Variants in NAV3 observed in about 807,000 individuals in gnomAD.
The protein encoded by NAV3 is pore membrane and/or filament interacting like protein 1.
A neutral mutation model predicts 244.7 loss-of-function variants in NAV3; 87 were observed. The ratio of observed to expected loss-of-function variants is 0.36; its 90% CI spans 0.30 to 0.42. NAV3 has a LOEUF of 0.42. Among genes scored for constraint, NAV3 ranks in the 20% least tolerant of loss-of-function variants. NAV3 has a pLI of 1.00. For missense variants in NAV3, 2,663 were observed against 2,893.3 expected, an observed-to-expected ratio of 0.92 and a Z score of 1.83; for synonymous variants, 1,126 against 1,042.2, an observed-to-expected ratio of 1.08 and a Z score of -1.55.
intron 2 of NAV3, among the ~76,000 whole-genome samples, chr12:77,750,867 C>T (rs1868816708): frequency 6.6e-6 from 1 of 152,138 alleles, no homozygotes; most frequent in Admixed American, 6.6e-5. Flanking sequence ...AATCAATTTT[C>T]AAAGTTTTTA....
chr12:78,191,223 C>T (rs1210395880), intron 34 of NAV3, among the ~76,000 whole-genome samples: 1 of 152,052 alleles, frequency 6.6e-6, no homozygotes, highest in African/African-American at 2.4e-5. Flanking sequence ...TTAATTTTCT[C>T]ACCTGTAAAA....
At chr12:77,636,987 T>C (rs1175421630) in intron 2 of NAV3, among the ~76,000 whole-genome samples, 1 of 151,716 alleles carries the variant, frequency 6.6e-6, no homozygotes, top group Non-Finnish European at 1.5e-5. Context: ...CTGGGGCCTG[T>C]TGGGGGGTGG....
chr12:77,834,429 A>G (rs1446613984), intron 1 of NAV3, among the ~76,000 whole-genome samples: 1 of 152,254 alleles, frequency 6.6e-6, no homozygotes, highest in Admixed American at 6.5e-5. Flanking sequence ...AACATAAATT[A>G]TCAACAAAAT....
chr12:77,957,251 T>G (rs1202823516), intron 3 of NAV3, among the ~76,000 whole-genome samples: 1 of 152,238 alleles, frequency 6.6e-6, no homozygotes, highest in Non-Finnish European at 1.5e-5. Context: ...AAAGATCTTA[T>G]CATTCATTTT....
Position 78,007,449 on chromosome 12 carries a change from A to C in NAV3, c.1907+4A>C, listed in dbSNP as rs1218399718. The C allele has an allele frequency of 3.1e-6, 5 of 1,611,008 alleles. No homozygotes were observed. Among genetic ancestry groups the C allele is most frequent in the Non-Finnish European group, 4.2e-6 (5 of 1,178,368 alleles). ...CAGTGGCACCATTCATTTACAGGTA[A>C]GGTGGCCTCTGTTTATCCACAGTTG... is the stretch of plus-strand genomic sequence containing the variant. On this transcript the variant is annotated splice_donor_region_variant and intron_variant, in intron 8 of 39. Transcript: ENST00000397909.
At chr12:78,098,717 TG>T (rs71441910) in intron 12 of NAV3, among the ~76,000 whole-genome samples, 9 of 148,578 alleles carry the variant, frequency 6.1e-5, no homozygotes, top group African/African-American at 9.8e-5. Context: ...TATTTGAAAC[TG>T]GTTTTTTTTT....
chr12:77,897,582 C>G (rs1884770178), intron 1 of NAV3, among the ~76,000 whole-genome samples: 1 of 152,120 alleles, frequency 6.6e-6, no homozygotes, highest in African/African-American at 2.4e-5. Flanking sequence ...AGCTGGTAAG[C>G]TGTCCTAGGC....
chr12:77,613,623 C>G (rs1044969280), intron 2 of NAV3, among the ~76,000 whole-genome samples: 4 of 152,136 alleles, frequency 2.6e-5, no homozygotes, highest in Non-Finnish European at 4.4e-5. Flanking sequence ...TCTTCTAGCA[C>G]TCCTGCCCGT....
intron 2 of NAV3, among the ~76,000 whole-genome samples, chr12:77,772,433 T>G (rs1448917546): frequency 6.6e-6 from 1 of 152,232 alleles, no homozygotes; most frequent in African/African-American, 2.4e-5. Context: ...GGTCACTTTT[T>G]TATGAATATA....
chr12:77,588,911 G>A (rs1168004783), intron 2 of NAV3, among the ~76,000 whole-genome samples: 1 of 152,144 alleles, frequency 6.6e-6, no homozygotes, highest in Non-Finnish European at 1.5e-5. Flanking sequence ...TCTGCATACT[G>A]AGCACTAGGG....
chr12:78,042,818 G>T (rs1010785364), intron 9 of NAV3, among the ~76,000 whole-genome samples: 1 of 151,938 alleles, frequency 6.6e-6, no homozygotes, highest in Non-Finnish European at 1.5e-5. Flanking sequence ...AAAATAAAAG[G>T]CCTCTAGTTT....
At chr12:77,642,330 A>G (rs917016879) in intron 2 of NAV3, among the ~76,000 whole-genome samples, 5 of 152,098 alleles carry the variant, frequency 3.3e-5, no homozygotes, top group African/African-American at 4.8e-5. Context: ...GCAATAATGA[A>G]GAATATTGCC....
At position 78,021,773 on chromosome 12, in the gene NAV3, C is replaced by T. The variant is rs375015388; in HGVS notation, c.1934C>T (p.Ala645Val). ...GCACATTCAGAAAATGAAGGTACCG[C>T]TTTACCATCGGCTGACTCCTGTACC... ...YRAHSENEGT[A>V]LPSADSCTSP... Residue 645 changes from alanine (A) to valine (V), a missense_variant, in exon 9 of 40, where the codon GCT (alanine) becomes GTT (valine). Ala to Val is a moderately conservative substitution (Grantham distance 64, BLOSUM62 0). Transcript: ENST00000397909. 6.2e-7 allele frequency: 1 copy of T among 1,609,340 alleles called. No homozygotes were observed. The highest frequency in any genetic ancestry group is 1.3e-5 in the African/African-American group (1 of 74,590).
At chr12:77,940,972 GC>G in intron 2 of NAV3, 108 bp from the exon 3 acceptor site, 1 of 711,356 alleles carries the variant, frequency 1.4e-6, no homozygotes, top group African/African-American at 1.8e-5. Context: ...TGTAGCAGGA[GC>G]ATTTTTGCTT....
At chr12:77,923,383 G>A (rs1887896270) in intron 1 of NAV3, among the ~76,000 whole-genome samples, 1 of 151,878 alleles carries the variant, frequency 6.6e-6, no homozygotes, top group Non-Finnish European at 1.5e-5. Flanking sequence ...GCTAAAATAG[G>A]AGAGAGAGAG....
At chr12:77,632,821 G>T (rs1328601631) in intron 2 of NAV3, among the ~76,000 whole-genome samples, 3 of 152,026 alleles carry the variant, frequency 2.0e-5, no homozygotes, top group African/African-American at 2.4e-5. Flanking sequence ...AATAAGGCAG[G>T]TATAAGCGTT....
chr12:77,704,259 G>C (rs1457221326), intron 2 of NAV3, among the ~76,000 whole-genome samples: 1 of 152,100 alleles, frequency 6.6e-6, no homozygotes, highest in Non-Finnish European at 1.5e-5. Flanking sequence ...GCTTTTGTCT[G>C]TGTATGGGTG....
chr12:77,851,393 T>C (rs1877500326), intron 1 of NAV3, among the ~76,000 whole-genome samples: 1 of 152,220 alleles, frequency 6.6e-6, no homozygotes. Context: ...CTATGCATTG[T>C]GGTTAATAGT....
chr12:77,768,786 C>T (rs1869923231), intron 2 of NAV3, among the ~76,000 whole-genome samples: 1 of 152,238 alleles, frequency 6.6e-6, no homozygotes, highest in Non-Finnish European at 1.5e-5. Context: ...GGCAGGGCTC[C>T]TGCCTGTTCC....
Sources: gnomAD v4.1 joint callset for allele counts (sites outside exome capture counted in the v4.1 genomes callset) on GRCh38, gnomAD v4.1.1 for gene constraint, MANE v1.5 for transcripts, NCBI Gene and HGNC (gene_info 2026-07-23, HGNC 2026-07-21) for gene names.